The following VIPR2 variants were observed in gnomAD, a reference collection of about 807,000 sequenced individuals.
The protein encoded by VIPR2 is vasoactive intestinal polypeptide receptor 2.
Under a neutral mutation model 58.0 loss-of-function variants are expected in VIPR2, and 48 were observed. The observed-to-expected ratio is 0.83, with a 90% CI of 0.66 to 1.05. The LOEUF (loss-of-function observed/expected upper bound fraction) is 1.05, where lower values mean the gene tolerates loss of function less well. VIPR2 is among the 50% of genes least tolerant of loss of function. The pLI, the probability that VIPR2 is intolerant of heterozygous loss-of-function variation, is 0.00. For missense variants in VIPR2, 534 were observed against 558.0 expected (o/e 0.96, Z 0.43); for synonymous variants, 243 against 235.2 (o/e 1.03, Z -0.30).
chr7:159,063,284 C>A (rs1189164331), intron 4 of VIPR2, among the ~76,000 whole-genome samples: 3 of 151,910 alleles, frequency 2.0e-5, no homozygotes, highest in Non-Finnish European at 4.4e-5. Context: ...CCCTGCCCTG[C>A]GGGGAGGCAG....
chr7:159,086,318 A>C (rs894232832), intron 4 of VIPR2, among the ~76,000 whole-genome samples: 1 of 152,208 alleles, frequency 6.6e-6, no homozygotes, highest in Non-Finnish European at 1.5e-5. Context: ...TGTTTTGCCC[A>C]TGGAGTCCTA....
At chr7:159,079,729 TAAA>T (rs1477819807) in intron 4 of VIPR2, among the ~76,000 whole-genome samples, 2 of 151,688 alleles carry the variant, frequency 1.3e-5, no homozygotes, top group African/African-American at 4.9e-5. Flanking sequence ...GCAAGACTAA[TAAA>T]GAAGAAAAGA....
At position 159,055,966 on chromosome 7, in the gene VIPR2, G is replaced by A. The variant is rs539860617; in HGVS notation, c.455+2515C>T. On this transcript the variant is annotated intron_variant, in intron 5 of 12. Coordinates refer to ENST00000262178, the MANE Select transcript of VIPR2 (RefSeq NM_003382.5). ...ATTAGCAATGGTGGGAAAGGATTTT[G>A]GAGGCCACGTCCATCTGACAGTGAC... Among the ~76,000 whole-genome samples, 117 of 152,354 alleles carry A rather than the reference G, an allele frequency of 7.7e-4. 1 individual carries two copies. Among genetic ancestry groups the A allele is most frequent in the African/African-American group, 2.7e-3 (114 of 41,584 alleles).
chr7:159,059,238 C>T (rs1300030752), intron 4 of VIPR2: 1 of 471,044 alleles, frequency 2.1e-6, no homozygotes, highest in African/African-American at 2.0e-5. Context: ...GAACTGGGTC[C>T]TCTAGAAGGA....
At position 159,043,045 on chromosome 7, in the gene VIPR2, G is replaced by A; in HGVS notation, c.587C>T (p.Pro196Leu). Residue 196 changes from proline (P) to leucine (L), a missense_variant, in exon 6 of 13, where the codon CCA (proline) becomes CTA (leucine). Transcript: ENST00000262178. ...TGGGGACAGCCTTACCCAGGAGGAT[G>A]GCTGGTCAGGGCAGTGCAACGTGCC... ...SSGTLHCPDQ[P>L]SSWVGCKLSL... 1 of 1,614,008 alleles carries A rather than the reference G, an allele frequency of 6.2e-7. No homozygotes were observed. Among genetic ancestry groups the A allele is most frequent in the Non-Finnish European group, 8.5e-7 (1 of 1,179,918 alleles).
chr7:159,117,635 C>T (rs978595582), intron 2 of VIPR2, among the ~76,000 whole-genome samples: 30 of 152,168 alleles, frequency 2.0e-4, no homozygotes, highest in Non-Finnish European at 3.5e-4. Context: ...CATGGTTCCC[C>T]CACACCCTCC....
intron 2 of VIPR2, among the ~76,000 whole-genome samples, chr7:159,133,842 T>C (rs1585565131): frequency 1.3e-5 from 2 of 152,206 alleles, no homozygotes; most frequent in Non-Finnish European, 2.9e-5. Flanking sequence ...TTCATCTAAC[T>C]TGAGTAATCT....
chr7:159,101,597 G>C (rs1323426590), intron 4 of VIPR2, among the ~76,000 whole-genome samples: 1 of 120,476 alleles, frequency 8.3e-6, no homozygotes, highest in African/African-American at 3.4e-5. Flanking sequence ...CCGACGAGGC[G>C]GTTCCGACCG....
chr7:159,089,498 C>T (rs1275821762), intron 4 of VIPR2, among the ~76,000 whole-genome samples: 1 of 152,256 alleles, frequency 6.6e-6, no homozygotes, highest in Non-Finnish European at 1.5e-5. Flanking sequence ...TAGTTCTTGT[C>T]TGGCAGTGTT....
chr7:159,034,451 G>C, intron 9 of VIPR2, 130 bp downstream of exon 9: 1 of 1,275,980 alleles, frequency 7.8e-7, no homozygotes, highest in East Asian at 2.4e-5. Context: ...TGCCTGAAGA[G>C]GTCCTTTTCC....
chr7:159,106,017 G>GGAAGTCGTGTCACTTGCCC (rs1858622950), intron 3 of VIPR2, among the ~76,000 whole-genome samples: 1 of 152,244 alleles, frequency 6.6e-6, no homozygotes, highest in South Asian at 2.1e-4. Flanking sequence ...CCAAGGCTGA[G>GGAAGTCGTGTCACTTGCCC]GAAGTCGTGT....
chr7:159,110,025 C>A (rs1795930674), intron 2 of VIPR2, 106 bp from the exon 3 acceptor site: 6 of 985,482 alleles, frequency 6.1e-6, no homozygotes. Flanking sequence ...TCCTGTGAAA[C>A]ACACTTGCAC....
At chr7:159,074,171 T>G in intron 4 of VIPR2, among the ~76,000 whole-genome samples, 1 of 152,186 alleles carries the variant, frequency 6.6e-6, no homozygotes, top group East Asian at 1.9e-4. Context: ...TCAGTAAAAC[T>G]ATCAAGTAAA....
At chr7:159,131,932 C>A (rs1796929332) in intron 2 of VIPR2, among the ~76,000 whole-genome samples, 1 of 135,798 alleles carries the variant, frequency 7.4e-6, no homozygotes, top group African/African-American at 3.3e-5. Flanking sequence ...GCTCAACAAC[C>A]AGATGTAGCC....
At chr7:159,042,931 C>T (rs1854434901) in intron 6 of VIPR2, 104 bp downstream of exon 6, 4 of 1,429,008 alleles carry the variant, frequency 2.8e-6, no homozygotes, top group Middle Eastern at 1.8e-4. Context: ...GACCCTGTGC[C>T]CTGACAGGAA....
chr7:159,073,707 C>T (rs939576482), intron 4 of VIPR2, among the ~76,000 whole-genome samples: 1 of 151,968 alleles, frequency 6.6e-6, no homozygotes, highest in Non-Finnish European at 1.5e-5. Flanking sequence ...CCGTGCTCAG[C>T]CTATCCTTTT....
chr7:159,031,210 G>C lies in VIPR2; in HGVS notation c.1144-421C>G, dbSNP rs149511382. Among the ~76,000 whole-genome samples, 2 of 152,180 alleles carry C rather than the reference G, an allele frequency of 1.3e-5. No homozygotes were observed. Among genetic ancestry groups the C allele is most frequent in the African/African-American group, 2.4e-5 (1 of 41,436 alleles). On this transcript the variant is annotated intron_variant, in intron 12 of 12. Transcript: ENST00000262178. This position sits in a 1 kb window ranked among gnomAD's most constrained non-coding sequence, Gnocchi z 4.0. ...GGGGATGAGTGAGGGGTGCCCGGAC[G>C]GCAGAGGAGGGAGGAGGACAAGTGG...
chr7:159,116,996 G>T, intron 2 of VIPR2: 1 of 291,368 alleles, frequency 3.4e-6, no homozygotes, highest in Non-Finnish European at 6.4e-6. Context: ...AATTTCAAGA[G>T]ACTCTTACGA....
chr7:159,063,830 G>A (rs1174316081), intron 4 of VIPR2, among the ~76,000 whole-genome samples: 1 of 110,802 alleles, frequency 9.0e-6, no homozygotes, highest in African/African-American at 3.8e-5. Flanking sequence ...GGGTCCGGGG[G>A]TCCTGGTGGG....
Sources: gnomAD v4.1 joint callset for allele counts (sites outside exome capture counted in the v4.1 genomes callset) on GRCh38, gnomAD v4.1.1 for gene constraint, Gnocchi (gnomAD v3.1) non-coding constraint, MANE v1.5 for transcripts, NCBI Gene and HGNC (gene_info 2026-07-23, HGNC 2026-07-21) for gene names.